Variants in MAP3K9 observed in about 807,000 individuals in gnomAD.
The protein encoded by MAP3K9 is mitogen-activated protein kinase kinase kinase 9.
A neutral mutation model predicts 95.8 loss-of-function variants in MAP3K9; 46 were observed. The ratio of observed to expected loss-of-function variants is 0.48; its 90% CI spans 0.38 to 0.61. The LOEUF (loss-of-function observed/expected upper bound fraction) is 0.61, where lower values mean the gene tolerates loss of function less well. Ranked by LOEUF, MAP3K9 falls within the 20% of genes least tolerant of loss-of-function variation. MAP3K9 has a pLI of 0.00. For synonymous variants in MAP3K9, 533 were observed against 593.8 expected (o/e 0.90, Z 1.49); for missense variants, 1,296 against 1,474.3 (o/e 0.88, Z 1.98).
At chr14:70,774,978 GT>G (rs2054577129) in intron 2 of MAP3K9, among the ~76,000 whole-genome samples, 1 of 64,814 alleles carries the variant, frequency 1.5e-5, no homozygotes, top group African/African-American at 6.9e-5. Flanking sequence ...GTGAGACTCT[GT>G]CCCCAAAAAA....
chr14:70,748,104 C>CAAA lies in MAP3K9; in HGVS notation c.1326+722_1326+724dup, dbSNP rs34373850. On this transcript the variant is annotated intron_variant, in intron 5 of 11. Coordinates refer to ENST00000554752, the MANE Select transcript of MAP3K9 (RefSeq NM_001284230.2). Reference sequence around the variant, plus strand: ...CCTGGGCGACAGAGCGAGACTGTCTCAAAAAAAAAAAAAAAATGGTAAAAG... The same window carrying CAAA: ...CCTGGGCGACAGAGCGAGACTGTCTCAAAAAAAAAAAAAAAAAAATGGTAAAAG... 6.1e-4 allele frequency among the ~76,000 whole-genome samples: 76 copies of CAAA among 125,394 alleles called. 1 individual carries two copies. Among genetic ancestry groups the CAAA allele is most frequent in the Middle Eastern group, 4.1e-3 (1 of 244 alleles). 82.3% of individuals were successfully genotyped at this position (125,394 alleles called of 152,430 possible). A position where few individuals can be genotyped will look rare whatever the true frequency, so the allele number is the denominator to read the frequency against.
intron 2 of MAP3K9, among the ~76,000 whole-genome samples, chr14:70,768,567 T>A (rs112909106): frequency 2.6e-5 from 4 of 152,166 alleles, no homozygotes; most frequent in African/African-American, 9.7e-5. Flanking sequence ...AAAAGCTGAA[T>A]GACTTTCTTT....
At chr14:70,747,242 G>A (rs1245192368) in intron 5 of MAP3K9, among the ~76,000 whole-genome samples, 2 of 152,170 alleles carry the variant, frequency 1.3e-5, no homozygotes, top group African/African-American at 2.4e-5. Context: ...GGTCATGGGA[G>A]GGACCAAGTG....
intron 3 of MAP3K9, among the ~76,000 whole-genome samples, chr14:70,753,828 G>C (rs868111325): frequency 6.6e-6 from 1 of 152,316 alleles, no homozygotes; most frequent in South Asian, 2.1e-4. Context: ...CAGAGGTGGA[G>C]GAGGGGTGTT....
chr14:70,735,269 GCA>G (rs1163081687), intron 9 of MAP3K9, among the ~76,000 whole-genome samples: 1 of 152,118 alleles, frequency 6.6e-6, no homozygotes, highest in Non-Finnish European at 1.5e-5. Flanking sequence ...AGGCCTAGAA[GCA>G]CTGGTCTTTT....
In MAP3K9 at chr14:70,730,863, T is replaced by G. The variant is rs781104145; in HGVS notation, c.2832A>C (p.Gly944=). The change falls in exon 12 of 12, where the codon GGA becomes GGC. Residue 944 remains glycine, a splice_region_variant and synonymous_variant. Coordinates refer to ENST00000554752, the MANE Select transcript of MAP3K9 (RefSeq NM_001284230.2). ...SNGLSPSPGA[G]MLKTPSPSRD... is the part of the protein sequence containing the mutation. ...GGCTGGGACTGGGGGTTTTCAACATTCCTGGTCAAAAAGACAAAAGGAGAA... is the reference window on the plus strand; with the variant it reads ...GGCTGGGACTGGGGGTTTTCAACATGCCTGGTCAAAAAGACAAAAGGAGAA... The G allele has an allele frequency of 2.5e-6, 4 of 1,595,142 alleles. No individual in the cohort carries two copies. The African/African-American group carries it at 5.4e-5, about 21-fold the overall frequency.
At chr14:70,759,830 C>T (rs543000031) in intron 3 of MAP3K9, among the ~76,000 whole-genome samples, 55 of 152,344 alleles carry the variant, frequency 3.6e-4, no homozygotes, top group Admixed American at 3.5e-3. Flanking sequence ...TCACAGCTCA[C>T]TGTAGCCTCA....
intron 2 of MAP3K9, among the ~76,000 whole-genome samples, chr14:70,790,345 A>T (rs2054793551): frequency 6.6e-6 from 1 of 152,222 alleles, no homozygotes; most frequent in South Asian, 2.1e-4. Flanking sequence ...TGTAGTCACT[A>T]ACATTCCCAA....
At chr14:70,774,471 T>G (rs959843837) in intron 2 of MAP3K9, among the ~76,000 whole-genome samples, 1 of 149,766 alleles carries the variant, frequency 6.7e-6, no homozygotes, top group Non-Finnish European at 1.5e-5. Flanking sequence ...GAGACCAGCC[T>G]GGCCAACATG....
chr14:70,735,768 G>A (rs938011045), intron 9 of MAP3K9, among the ~76,000 whole-genome samples, 193 bp downstream of exon 9: 6 of 152,038 alleles, frequency 3.9e-5, no homozygotes, highest in African/African-American at 1.2e-4. Context: ...TGAAGAATAT[G>A]GTAAAATTAG....
At chr14:70,749,730 A>G in intron 4 of MAP3K9, 1 of 534,750 alleles carries the variant, frequency 1.9e-6, no homozygotes, top group Non-Finnish European at 3.3e-6. Flanking sequence ...TCACTTCTAC[A>G]GTCCCTGGAG....
At chr14:70,744,387 G>T (rs1399888558) in intron 5 of MAP3K9, among the ~76,000 whole-genome samples, 1 of 151,970 alleles carries the variant, frequency 6.6e-6, no homozygotes, top group Non-Finnish European at 1.5e-5. Flanking sequence ...TTTTAAAGCA[G>T]AGCCAACTTA....
chr14:70,808,853 G>A lies in MAP3K9; in HGVS notation c.319C>T (p.Pro107Ser), dbSNP rs1662122148. The A allele has an allele frequency of 6.2e-7, 1 of 1,601,022 alleles. No individual in the cohort carries two copies. The highest frequency in any genetic ancestry group is 8.5e-7 in the Non-Finnish European group (1 of 1,176,264). The change falls in exon 1 of 12, where the codon CCC becomes TCC. Residue 107 changes from proline to serine, a missense_variant. Pro to Ser is a moderately conservative substitution (Grantham distance 74). This residue lies in a region of MAP3K9 where 338 missense variants were observed against 363.4 expected (regional missense o/e 0.93). Coordinates refer to ENST00000554752, the MANE Select transcript of MAP3K9 (RefSeq NM_001284230.2). ...CTGCGCGGGGTCACGTAGTTGCTGGGGAAGATGCCCACCCGCTGGTTCAGC... is the reference window on the plus strand; with the variant it reads ...CTGCGCGGGGTCACGTAGTTGCTGGAGAAGATGCCCACCCGCTGGTTCAGC... ...GQLNQRVGIF[P>S]SNYVTPRSAF... is the part of the protein sequence containing the mutation.
intron 3 of MAP3K9, among the ~76,000 whole-genome samples, chr14:70,758,550 T>C (rs1050245621): frequency 1.1e-4 from 16 of 152,150 alleles, no homozygotes; most frequent in African/African-American, 2.2e-4. Flanking sequence ...CTCCTAGGGA[T>C]AGACCCAAGA....
chr14:70,790,490 T>C (rs1225510511), intron 2 of MAP3K9, among the ~76,000 whole-genome samples: 1 of 152,154 alleles, frequency 6.6e-6, no homozygotes, highest in Non-Finnish European at 1.5e-5. Flanking sequence ...CCAGTCAGTG[T>C]CAAGGACAGC....
rs60144338 is a variant in MAP3K9, at chr14:70,774,983, C to CAAAAAAAAAAAAAAAAAA, written c.821-13819_821-13802dup. The stretch of plus-strand genomic sequence containing the variant: ...TGGAGACAGAGTGAGACTCTGTCCC[C>CAAAAAAAAAAAAAAAAAA]AAAAAAAAAAAAAAAAAAAAAAAAA... On this transcript the variant is annotated intron_variant, in intron 2 of 11. Transcript: ENST00000554752. 3.3e-4 allele frequency among the ~76,000 whole-genome samples: 18 copies of CAAAAAAAAAAAAAAAAAA among 55,114 alleles called. 1 individual carries two copies. Among genetic ancestry groups the CAAAAAAAAAAAAAAAAAA allele is most frequent in the East Asian group, 2.2e-3 (3 of 1,342 alleles). The allele number at this position is 55,114 out of a possible 152,430, so 36.2% of individuals were successfully genotyped here.
intron 2 of MAP3K9, among the ~76,000 whole-genome samples, chr14:70,781,820 C>G (rs1452702161): frequency 1.3e-5 from 2 of 152,210 alleles, no homozygotes; most frequent in African/African-American, 4.8e-5. Context: ...CAGCCCACAA[C>G]TGTACCAGCC....
At chr14:70,780,079 C>T (rs1210495231) in intron 2 of MAP3K9, among the ~76,000 whole-genome samples, 1 of 152,238 alleles carries the variant, frequency 6.6e-6, no homozygotes, top group Non-Finnish European at 1.5e-5. Flanking sequence ...AACCAGGCCA[C>T]TCCCAAACAA....
At chr14:70,762,603 T>A (rs2054391287) in intron 2 of MAP3K9, among the ~76,000 whole-genome samples, 1 of 152,208 alleles carries the variant, frequency 6.6e-6, no homozygotes, top group Non-Finnish European at 1.5e-5. Context: ...TGGTTTGTCT[T>A]TTTATTATTG....
Sources: allele counts gnomAD v4.1 joint callset (sites outside exome capture counted in the v4.1 genomes callset), GRCh38; gene constraint gnomAD v4.1.1; regional missense constraint gnomAD v4.1.1; transcripts MANE v1.5; gene names NCBI Gene and HGNC (gene_info 2026-07-23, HGNC 2026-07-21).